The following B3GALT1 variants were observed in gnomAD, a reference collection of about 807,000 sequenced individuals.
B3GALT1 encodes the protein UDP-Gal:betaGlcNAc beta 1,3-galactosyltransferase, polypeptide 1.
In B3GALT1, 10 loss-of-function variants were observed where a neutral mutation model predicts 23.2. That is an observed-to-expected ratio of 0.43 (90% confidence interval 0.27 to 0.73). B3GALT1 has a LOEUF of 0.73. Among genes scored for constraint, B3GALT1 ranks in the 30% least tolerant of loss-of-function variants. The probability of loss-of-function intolerance (pLI) is 0.21; values close to 1 mark genes in which losing one functional copy is unlikely to be tolerated. For synonymous variants in B3GALT1, 156 were observed against 141.5 expected (o/e 1.10, Z -0.73); for missense variants, 299 against 405.4 (o/e 0.74, Z 2.25).
intron 2 of B3GALT1, among the ~76,000 whole-genome samples, chr2:167,645,773 G>T (rs994425076): frequency 6.6e-6 from 1 of 151,830 alleles, no homozygotes; most frequent in Non-Finnish European, 1.5e-5. Flanking sequence ...GTTTCACCAC[G>T]TTGGTCAGGC....
intron 2 of B3GALT1, among the ~76,000 whole-genome samples, chr2:167,557,809 G>A (rs977062842): frequency 9.9e-5 from 15 of 152,172 alleles, no homozygotes; most frequent in Non-Finnish European, 8.8e-5. Context: ...GACCAAGAAG[G>A]GTACTTAGCG....
intron 3 of B3GALT1, among the ~76,000 whole-genome samples, chr2:167,683,113 G>C (rs1220254632): frequency 6.6e-6 from 1 of 152,100 alleles, no homozygotes; most frequent in Non-Finnish European, 1.5e-5. Context: ...TAATTTTCAG[G>C]GTTGTTCATT....
At chr2:167,684,155 G>A (rs1686579499) in intron 3 of B3GALT1, among the ~76,000 whole-genome samples, 1 of 152,154 alleles carries the variant, frequency 6.6e-6, no homozygotes, top group African/African-American at 2.4e-5. Context: ...ATGAGTTCTT[G>A]GAGGGAGAAA....
intron 3 of B3GALT1, among the ~76,000 whole-genome samples, chr2:167,681,215 T>G (rs1194137363): frequency 5.3e-5 from 8 of 152,326 alleles, no homozygotes; most frequent in Non-Finnish European, 2.9e-5. Context: ...CATAGCATTT[T>G]GCTTTCAAGG....
chr2:167,723,224 TC>T (rs1413179955), intron 3 of B3GALT1, among the ~76,000 whole-genome samples: 1 of 152,170 alleles, frequency 6.6e-6, no homozygotes, highest in Non-Finnish European at 1.5e-5. Flanking sequence ...GAGAACAGAC[TC>T]TACTTAAGAA....
Position 167,426,772 on chromosome 2 carries a change from T to C in B3GALT1, c.-510-63405T>C, listed in dbSNP as rs554733223. ...AGGATGCACATGCACTGCCGATAAGTGTATAAACTGGCAAAAACCACTCCG... is the reference window on the plus strand; with the variant it reads ...AGGATGCACATGCACTGCCGATAAGCGTATAAACTGGCAAAAACCACTCCG... On this transcript the variant is annotated intron_variant, in intron 1 of 4. Transcript: ENST00000392690. 1.6e-3 allele frequency among the ~76,000 whole-genome samples: 240 copies of C among 152,270 alleles called. 1 individual carries two copies. Among genetic ancestry groups the C allele is most frequent in the African/African-American group, 5.7e-3 (235 of 41,570 alleles).
chr2:167,617,412 A>AT (rs781266032), intron 2 of B3GALT1, among the ~76,000 whole-genome samples: 68 of 152,078 alleles, frequency 4.5e-4, no homozygotes, highest in Non-Finnish European at 9.0e-4. Flanking sequence ...TAGAACAATT[A>AT]TAAGTCACCC....
At chr2:167,822,589 G>C (rs1458043986) in intron 4 of B3GALT1, among the ~76,000 whole-genome samples, 1 of 152,154 alleles carries the variant, frequency 6.6e-6, no homozygotes, top group Admixed American at 6.5e-5. Context: ...ACTTGACTCT[G>C]AGTTGCCTAC....
intron 4 of B3GALT1, among the ~76,000 whole-genome samples, chr2:167,829,360 G>A (rs1253305887): frequency 2.0e-5 from 3 of 151,906 alleles, no homozygotes; most frequent in African/African-American, 7.3e-5. Flanking sequence ...GCGGGTGCCT[G>A]TAATCCCAGC....
intron 1 of B3GALT1, among the ~76,000 whole-genome samples, chr2:167,408,242 T>C (rs1698337013): frequency 6.6e-6 from 1 of 152,142 alleles, no homozygotes; most frequent in African/African-American, 2.4e-5. Context: ...AAATGCAATA[T>C]ATCACATTAA....
intron 3 of B3GALT1, among the ~76,000 whole-genome samples, chr2:167,758,777 T>C (rs1023750694): frequency 6.6e-6 from 1 of 152,172 alleles, no homozygotes; most frequent in Admixed American, 6.5e-5. Flanking sequence ...GTTTTTATAT[T>C]AAGTCATCTC....
chr2:167,804,760 T>C (rs1326747414), intron 3 of B3GALT1, among the ~76,000 whole-genome samples: 1 of 152,222 alleles, frequency 6.6e-6, no homozygotes, highest in African/African-American at 2.4e-5. Context: ...AAGTCTTTGC[T>C]ATTGTGAATA....
chr2:167,843,966 C>G (rs1390912229), intron 4 of B3GALT1, among the ~76,000 whole-genome samples: 1 of 152,174 alleles, frequency 6.6e-6, no homozygotes, highest in East Asian at 1.9e-4. Flanking sequence ...TGTCATCTGT[C>G]CCTATATTCA....
At chr2:167,315,196 G>A (rs1696694145) in intron 1 of B3GALT1, among the ~76,000 whole-genome samples, 1 of 151,936 alleles carries the variant, frequency 6.6e-6, no homozygotes, top group Non-Finnish European at 1.5e-5. Context: ...TTTGCTCCAC[G>A]TCAACCCATA....
chr2:167,670,527 A>G (rs1180897624), intron 3 of B3GALT1, among the ~76,000 whole-genome samples: 1 of 152,226 alleles, frequency 6.6e-6, no homozygotes, highest in African/African-American at 2.4e-5. Context: ...TGATACCACC[A>G]AAGTAATAAA....
chr2:167,797,273 C>T (rs990839963), intron 3 of B3GALT1, among the ~76,000 whole-genome samples: 1 of 152,166 alleles, frequency 6.6e-6, no homozygotes, highest in Admixed American at 6.6e-5. Context: ...TAACGACTTC[C>T]AGCTCCATCC....
intron 4 of B3GALT1, among the ~76,000 whole-genome samples, chr2:167,867,871 G>T (rs1259255151): frequency 6.6e-6 from 1 of 152,194 alleles, no homozygotes; most frequent in African/African-American, 2.4e-5. Flanking sequence ...TAGAAAGAAT[G>T]AGAGTTCCAG....
intron 1 of B3GALT1, among the ~76,000 whole-genome samples, chr2:167,455,290 T>A (rs1048097423): frequency 6.6e-6 from 1 of 152,214 alleles, no homozygotes. Context: ...TTCCTAGATT[T>A]GAATCCAAGT....
intron 2 of B3GALT1, among the ~76,000 whole-genome samples, chr2:167,634,514 G>A (rs151204571): frequency 0.035 from 5,337 of 151,938 alleles, 189 homozygotes; most frequent in African/African-American, 0.087. Flanking sequence ...ATGATAAAAG[G>A]GATATCACAA....
Sources: gnomAD v4.1 joint callset for allele counts (sites outside exome capture counted in the v4.1 genomes callset) on GRCh38, gnomAD v4.1.1 for gene constraint, MANE v1.5 for transcripts, NCBI Gene and HGNC (gene_info 2026-07-23, HGNC 2026-07-21) for gene names.